NRXN1: variants seen among roughly 807,000 people sequenced by gnomAD.
NRXN1 encodes the protein neurexin-1.
Under a neutral mutation model 150.9 loss-of-function variants are expected in NRXN1, and 39 were observed. The observed-to-expected ratio is 0.26, with a 90% CI of 0.20 to 0.34. The LOEUF is 0.34. Ranked by LOEUF, NRXN1 falls within the 10% of genes least tolerant of loss-of-function variation. NRXN1 has a pLI of 1.00. For synonymous variants in NRXN1, 924 were observed against 757.0 expected, an observed-to-expected ratio of 1.22 and a Z score of -3.62; for missense variants, 1,815 against 1,949.9, an observed-to-expected ratio of 0.93 and a Z score of 1.30.
At chr2:49,945,802 G>T (rs751372414) in intron 21 of NRXN1, among the ~76,000 whole-genome samples, 12 of 152,248 alleles carry the variant, frequency 7.9e-5, no homozygotes, top group Non-Finnish European at 1.6e-4. Flanking sequence ...GAGCATTTGG[G>T]TTGGTTCCAA....
chr2:50,071,825 C>T (rs6748208), intron 19 of NRXN1, among the ~76,000 whole-genome samples: 97,846 of 152,016 alleles, frequency 0.64, 31,807 homozygotes, highest in African/African-American at 0.7. Flanking sequence ...AAAGCGAGTA[C>T]TCATGGATTT....
chr2:50,682,300 A>G (rs1393148911), intron 5 of NRXN1, among the ~76,000 whole-genome samples: 1 of 152,130 alleles, frequency 6.6e-6, no homozygotes, highest in Non-Finnish European at 1.5e-5. Context: ...TTCCAAGAAA[A>G]TCTTCATAAA....
At chr2:50,150,669 TA>T (rs1375523439) in intron 18 of NRXN1, among the ~76,000 whole-genome samples, 1 of 151,786 alleles carries the variant, frequency 6.6e-6, no homozygotes, top group African/African-American at 2.4e-5. Flanking sequence ...TACCTATCTA[TA>T]TTTTTTTGTT....
chr2:50,846,122 T>A (rs148963545), intron 5 of NRXN1, among the ~76,000 whole-genome samples: 2,144 of 152,176 alleles, frequency 0.014, 52 homozygotes, highest in African/African-American at 0.049. Context: ...ACTTAAAAAA[T>A]TTTTTTTCAT....
rs1005224859 is a variant in NRXN1 at position 49,953,955 on chromosome 2, A to C, written c.4129-10164T>G. On this transcript the variant is annotated intron_variant, in intron 21 of 22. Coordinates refer to ENST00000401669, the MANE Select transcript of NRXN1 (RefSeq NM_001330078.2). The stretch of plus-strand genomic sequence containing the variant: ...AGGTTGATGGGTGCAGCAAACCACC[A>C]AGGCACATGTATACCTATGTAACAA... Among the ~76,000 whole-genome samples the C allele has an allele frequency of 1.6e-4, 24 of 152,116 alleles. No homozygotes were observed. The East Asian group carries it at 4.5e-3, about 28-fold the overall frequency.
chr2:50,494,171 C>T (rs1281537847), intron 15 of NRXN1, among the ~76,000 whole-genome samples: 1 of 152,208 alleles, frequency 6.6e-6, no homozygotes, highest in Non-Finnish European at 1.5e-5. Flanking sequence ...CACACGGCTT[C>T]TCTGGACCCT....
intron 21 of NRXN1, among the ~76,000 whole-genome samples, chr2:50,049,505 C>G (rs1242150287): frequency 2.0e-5 from 3 of 152,134 alleles, no homozygotes; most frequent in African/African-American, 7.2e-5. Context: ...TCATCATGCT[C>G]TTTCCATTAT....
At chr2:50,077,612 G>A (rs1055115222) in intron 19 of NRXN1, among the ~76,000 whole-genome samples, 1 of 152,084 alleles carries the variant, frequency 6.6e-6, no homozygotes, top group East Asian at 1.9e-4. Flanking sequence ...ATGCTCCAGC[G>A]AAGGTGACCC....
intron 5 of NRXN1, among the ~76,000 whole-genome samples, chr2:50,913,301 A>G (rs1208218090): frequency 6.6e-6 from 1 of 151,770 alleles, no homozygotes; most frequent in Non-Finnish European, 1.5e-5. Context: ...TGGAATCACA[A>G]TTGGACAATT....
chr2:50,860,892 A>C (rs6743452), intron 5 of NRXN1, among the ~76,000 whole-genome samples: 58,864 of 151,954 alleles, frequency 0.39, 12,265 homozygotes, highest in Non-Finnish European at 0.47. Context: ...AAAGATTTTA[A>C]AAAGGTCTTT....
At chr2:49,969,939 C>G (rs1001041025) in intron 21 of NRXN1, 2 of 151,998 alleles carry the variant, frequency 1.3e-5, no homozygotes, top group East Asian at 3.9e-4. Flanking sequence ...TGGTGGAACC[C>G]TACAAGACTC....
chr2:50,789,763 G>C (rs1264818026), intron 5 of NRXN1, among the ~76,000 whole-genome samples: 1 of 152,072 alleles, frequency 6.6e-6, no homozygotes, highest in African/African-American at 2.4e-5. Context: ...AAAGATGAAA[G>C]TTAGCATTCA....
intron 18 of NRXN1, among the ~76,000 whole-genome samples, chr2:50,159,093 T>C (rs7583858): frequency 0.051 from 7,731 of 152,126 alleles, 726 homozygotes; most frequent in African/African-American, 0.18. Flanking sequence ...GTTGTTGTTG[T>C]TGTTGTTTTA....
chr2:50,814,204 T>G (rs1668612721), intron 5 of NRXN1, among the ~76,000 whole-genome samples: 1 of 152,094 alleles, frequency 6.6e-6, no homozygotes, highest in Admixed American at 6.6e-5. Flanking sequence ...CCAGTGTTGC[T>G]CAGGCTGTTC....
At chr2:50,246,633 A>T (rs753692330) in intron 17 of NRXN1, among the ~76,000 whole-genome samples, 1 of 151,962 alleles carries the variant, frequency 6.6e-6, no homozygotes, top group Non-Finnish European at 1.5e-5. Context: ...ATTATCTCAG[A>T]CTAAGCTCTA....
At chr2:50,492,523 A>C (rs10169577) in intron 15 of NRXN1, among the ~76,000 whole-genome samples, 8,418 of 152,246 alleles carry the variant, frequency 0.055, 810 homozygotes, top group African/African-American at 0.19. Flanking sequence ...CGGACAAAAG[A>C]ATGCATCACT....
intron 18 of NRXN1, among the ~76,000 whole-genome samples, chr2:50,122,372 T>G (rs1703978144): frequency 6.6e-6 from 1 of 152,238 alleles, no homozygotes; most frequent in African/African-American, 2.4e-5. Context: ...AGGAGCTGTA[T>G]TAATGAGGTC....
intron 19 of NRXN1, among the ~76,000 whole-genome samples, chr2:50,073,681 G>A (rs984682967): frequency 1.3e-5 from 2 of 151,998 alleles, no homozygotes; most frequent in Non-Finnish European, 2.9e-5. Context: ...TTGACATAAT[G>A]ACTCTCTGCT....
At chr2:50,919,982 T>G (rs1233527242) in intron 5 of NRXN1, 10 of 391,706 alleles carry the variant, frequency 2.6e-5, no homozygotes, top group Non-Finnish European at 5.6e-6. Flanking sequence ...ATTTCTGCTC[T>G]AGAATATAGA....
Sources: allele counts gnomAD v4.1 joint callset (sites outside exome capture counted in the v4.1 genomes callset), GRCh38; gene constraint gnomAD v4.1.1; transcripts MANE v1.5; gene names NCBI Gene and HGNC (gene_info 2026-07-23, HGNC 2026-07-21).